PDE5A: variants seen among roughly 807,000 people sequenced by gnomAD.
The protein encoded by PDE5A is phosphodiesterase 5A, also known as cGMP-specific 3',5'-cyclic phosphodiesterase.
In PDE5A, 67 loss-of-function variants were observed where a neutral mutation model predicts 110.2. The observed-to-expected ratio is 0.61, with a 90% CI of 0.50 to 0.75. The LOEUF is 0.75. Ranked by LOEUF, PDE5A falls within the 30% of genes least tolerant of loss-of-function variation. The probability of loss-of-function intolerance (pLI) is 0.00; values close to 1 mark genes in which losing one functional copy is unlikely to be tolerated. For missense variants in PDE5A, 862 were observed against 1,045.1 expected (o/e 0.82, Z 2.42); for synonymous variants, 328 against 351.2 (o/e 0.93, Z 0.74).
chr4:119,538,876 T>C (rs775542048), intron 11 of PDE5A, 84 bp downstream of exon 11: 6 of 958,120 alleles, frequency 6.3e-6, no homozygotes, highest in Non-Finnish European at 1.0e-5. Context: ...AACATTTTTA[T>C]AAGTATCCAT....
intron 3 of PDE5A, among the ~76,000 whole-genome samples, chr4:119,567,871 C>T (rs1226413644): frequency 6.6e-6 from 1 of 152,114 alleles, no homozygotes; most frequent in Non-Finnish European, 1.5e-5. Context: ...ACTCTTCTCT[C>T]CTCTTTATTA....
At chr4:119,539,804 A>G (rs1048742325) in intron 10 of PDE5A, among the ~76,000 whole-genome samples, 15 of 152,170 alleles carry the variant, frequency 9.9e-5, no homozygotes, top group Admixed American at 9.8e-4. Context: ...TCTAATTACA[A>G]GTTGAGCATC....
At chr4:119,623,873 C>T (rs1405162226) in intron 1 of PDE5A, among the ~76,000 whole-genome samples, 2 of 152,210 alleles carry the variant, frequency 1.3e-5, no homozygotes, top group Admixed American at 6.5e-5. Context: ...TATCCATCTA[C>T]ACTAATTGCC....
At chr4:119,538,152 A>G (rs754991929) in intron 11 of PDE5A, among the ~76,000 whole-genome samples, 1 of 152,064 alleles carries the variant, frequency 6.6e-6, no homozygotes, top group Non-Finnish European at 1.5e-5. Context: ...CGGCCTTCAT[A>G]ACATAGTTAT....
chr4:119,538,855 A>G, intron 11 of PDE5A, 105 bp downstream of exon 11: 1 of 858,946 alleles, frequency 1.2e-6, no homozygotes, highest in South Asian at 1.3e-5. Context: ...GCAAGAAAGC[A>G]GAGTTAATTA....
chr4:119,613,922 T>C lies in PDE5A; in HGVS notation c.153-6625A>G, dbSNP rs551317195. Reference sequence around the variant, plus strand: ...TCCTATTCCAGGTACTATACCCTATTAAGAATATAAAAGTTCCCAGAGCAT... The same window carrying C: ...TCCTATTCCAGGTACTATACCCTATCAAGAATATAAAAGTTCCCAGAGCAT... On this transcript the variant is annotated intron_variant, in intron 1 of 20. Coordinates refer to ENST00000354960, the MANE Select transcript of PDE5A (RefSeq NM_001083.4). Among the ~76,000 whole-genome samples, 14 of 152,034 alleles carry C rather than the reference T, an allele frequency of 9.2e-5. No individual in the cohort carries two copies. In the East Asian group the frequency reaches 1.8e-3, roughly 19 times the overall value.
chr4:119,530,310 C>A lies in PDE5A; in HGVS notation c.1633-4615G>T, dbSNP rs115473918. Among the ~76,000 whole-genome samples, 1,174 of 152,174 alleles carry A rather than the reference C, an allele frequency of 7.7e-3. 19 individuals carry two copies. The highest frequency in any genetic ancestry group is 0.027 in the African/African-American group (1,113 of 41,524). On this transcript the variant is annotated intron_variant, in intron 11 of 20. Transcript: ENST00000354960. ...TCTGAAAACTAGAGAAGTTTTATGG[C>A]TTTCCTAAAACAGCCTATTTCTTGT...
chr4:119,618,250 T>C (rs1263759818), intron 1 of PDE5A, among the ~76,000 whole-genome samples: 1 of 152,208 alleles, frequency 6.6e-6, no homozygotes, highest in African/African-American at 2.4e-5. Flanking sequence ...GTTATTGTTT[T>C]TAAGTTAACT....
intron 2 of PDE5A, among the ~76,000 whole-genome samples, chr4:119,606,199 T>C (rs1438508778): frequency 6.6e-6 from 1 of 152,180 alleles, no homozygotes; most frequent in African/African-American, 2.4e-5. Flanking sequence ...AGTTTATCTG[T>C]TTAAAAAATG....
At position 119,606,961 on chromosome 4, in the gene PDE5A, C is replaced by T. The variant is rs1420849578; in HGVS notation, c.489G>A (p.Leu163=). 6.2e-7 allele frequency: 1 copy of T among 1,614,172 alleles called. No homozygotes were observed. Among genetic ancestry groups the T allele is most frequent in the South Asian group, 1.1e-5 (1 of 91,080 alleles). The change falls in exon 2 of 21, where the codon TTG becomes TTA. Residue 163 remains leucine, a synonymous_variant. Transcript: ENST00000354960. ...LELVKDISSH[L]DVTALCHKIF... The stretch of plus-strand genomic sequence containing the variant: ...TTTTGTGACATAAGGCTGTGACATC[C>T]AAATGACTAGAAATATCCTTCACTA...
intron 10 of PDE5A, among the ~76,000 whole-genome samples, chr4:119,539,962 A>G (rs548342406): frequency 4.6e-5 from 7 of 152,208 alleles, no homozygotes; most frequent in African/African-American, 1.7e-4. Context: ...TATAATGCAC[A>G]TGTTCCAAAA....
At chr4:119,563,276 A>G (rs1417629365) in intron 5 of PDE5A, among the ~76,000 whole-genome samples, 1 of 152,176 alleles carries the variant, frequency 6.6e-6, no homozygotes, top group African/African-American at 2.4e-5. Context: ...CATTAAAATC[A>G]TAGGGCTGTT....
rs199902035 is a variant in PDE5A, at chr4:119,542,439, G to A, written c.1572+20C>T. 1.9e-6 allele frequency: 3 copies of A among 1,609,912 alleles called. No individual in the cohort carries two copies. In the African/African-American group the frequency reaches 4.0e-5, roughly 22 times the overall value. On this transcript the variant is annotated intron_variant, in intron 10 of 20. Coordinates refer to ENST00000354960, the MANE Select transcript of PDE5A (RefSeq NM_001083.4). ...GAGGGTTTGGCTGTACAGTGTGAGA[G>A]GTCCCTAAACTTCACCCACCTCCAA... is the stretch of plus-strand genomic sequence containing the variant.
intron 14 of PDE5A, among the ~76,000 whole-genome samples, chr4:119,516,364 TATA>T (rs1188345361): frequency 1.3e-5 from 2 of 152,240 alleles, no homozygotes; most frequent in African/African-American, 4.8e-5. Flanking sequence ...AAAGCCCTAG[TATA>T]ATAATTATTC....
chr4:119,502,437 A>G (rs1725382200), intron 19 of PDE5A, 144 bp downstream of exon 19: 1 of 549,238 alleles, frequency 1.8e-6, no homozygotes, highest in Non-Finnish European at 3.2e-6. Flanking sequence ...GAACATGTAT[A>G]ATTCTTCCAA....
At chr4:119,533,418 GA>G (rs1726613698) in intron 11 of PDE5A, among the ~76,000 whole-genome samples, 1 of 152,146 alleles carries the variant, frequency 6.6e-6, no homozygotes, top group Non-Finnish European at 1.5e-5. Flanking sequence ...GCATGCCCAA[GA>G]GGGGTGTTTT....
rs1578713487 is a variant in PDE5A at position 119,497,065 on chromosome 4, G to A, written c.*1536C>T. ...ATTTTAGGCAAAATTTAGGGGAATC[G>A]GGACATAGATGGAAAACACATTTTG... is the stretch of plus-strand genomic sequence containing the variant. On this transcript the variant is annotated 3_prime_UTR_variant, in exon 21 of 21. Transcript: ENST00000354960. 1 of 152,098 alleles carries A rather than the reference G, an allele frequency of 6.6e-6. No individual in the cohort carries two copies. The highest frequency in any genetic ancestry group is 2.4e-5 in the African/African-American group (1 of 41,526). The allele number at this position is 152,098 out of a possible 1,614,324, so 9.4% of individuals were successfully genotyped here.
At chr4:119,522,176 A>G (rs1342649831) in intron 12 of PDE5A, among the ~76,000 whole-genome samples, 1 of 151,996 alleles carries the variant, frequency 6.6e-6, no homozygotes, top group East Asian at 1.9e-4. Context: ...TTCCTGTTCT[A>G]TTGCTCAGTT....
intron 1 of PDE5A, among the ~76,000 whole-genome samples, chr4:119,615,611 A>G (rs1465164974): frequency 3.0e-5 from 2 of 65,872 alleles, no homozygotes; most frequent in Non-Finnish European, 6.5e-5. Flanking sequence ...ACTCCTACTA[A>G]GTTCAAAAAA....
Sources: allele counts gnomAD v4.1 joint callset (sites outside exome capture counted in the v4.1 genomes callset), GRCh38; gene constraint gnomAD v4.1.1; transcripts MANE v1.5; gene names NCBI Gene and HGNC (gene_info 2026-07-23, HGNC 2026-07-21).